Variants in OPCML observed in about 807,000 individuals in gnomAD.
OPCML encodes the protein opioid-binding protein/cell adhesion molecule.
In OPCML, 13 loss-of-function variants were observed where a neutral mutation model predicts 37.8. That is an observed-to-expected ratio of 0.34 (90% CI 0.22 to 0.55). The LOEUF (loss-of-function observed/expected upper bound fraction) is 0.55, where lower values mean the gene tolerates loss of function less well. Among genes scored for constraint, OPCML ranks in the 20% least tolerant of loss-of-function variants. The pLI is 0.91. For missense variants in OPCML, 341 were observed against 435.6 expected (o/e 0.78, Z 1.93); for synonymous variants, 176 against 168.8 (o/e 1.04, Z -0.33).
intron 1 of OPCML, among the ~76,000 whole-genome samples, chr11:133,525,408 C>T (rs1227032066): frequency 1.3e-5 from 2 of 152,178 alleles, no homozygotes; most frequent in African/African-American, 4.8e-5. Flanking sequence ...GCTGGAAAGG[C>T]AGAGAGCTGG....
intron 2 of OPCML, among the ~76,000 whole-genome samples, chr11:132,797,719 A>G (rs1938411024): frequency 6.6e-6 from 1 of 152,236 alleles, no homozygotes; most frequent in Non-Finnish European, 1.5e-5. Flanking sequence ...TCAATGGGTC[A>G]GTAGAAAAGA....
intron 1 of OPCML, among the ~76,000 whole-genome samples, chr11:133,413,989 T>C (rs7943687): frequency 0.011 from 1,623 of 152,254 alleles, 13 homozygotes; most frequent in South Asian, 0.037. Flanking sequence ...TTCCCTCTCC[T>C]CTTACTCCCT....
At chr11:133,433,251 CAAAA>C (rs71477795) in intron 1 of OPCML, among the ~76,000 whole-genome samples, 2 of 90,726 alleles carry the variant, frequency 2.2e-5, no homozygotes, top group African/African-American at 4.6e-5. Context: ...GACTCCGTCT[CAAAA>C]AAAAAAAAAA....
chr11:132,746,257 T>A (rs967566191), intron 2 of OPCML, among the ~76,000 whole-genome samples: 10 of 152,204 alleles, frequency 6.6e-5, no homozygotes, highest in Non-Finnish European at 1.3e-4. Flanking sequence ...TTCTTTGAAC[T>A]GTTTGTAAAA....
chr11:133,266,302 C>T (rs1941657297), intron 1 of OPCML, among the ~76,000 whole-genome samples: 1 of 152,118 alleles, frequency 6.6e-6, no homozygotes, highest in African/African-American at 2.4e-5. Flanking sequence ...TTCTCCTGCT[C>T]ATTTTCACTC....
intron 2 of OPCML, among the ~76,000 whole-genome samples, chr11:132,850,218 T>C (rs557160500): frequency 8.5e-5 from 13 of 152,132 alleles, no homozygotes; most frequent in Non-Finnish European, 1.8e-4. Flanking sequence ...GTGCATCTCA[T>C]GGAAGGAAAG....
chr11:133,250,667 T>C (rs1217491033), intron 1 of OPCML, among the ~76,000 whole-genome samples: 1 of 152,164 alleles, frequency 6.6e-6, no homozygotes, highest in African/African-American at 2.4e-5. Context: ...ATCATCTTAA[T>C]CTTAGCTGTA....
intron 2 of OPCML, among the ~76,000 whole-genome samples, chr11:132,735,517 C>A (rs1485971972): frequency 6.6e-6 from 1 of 152,126 alleles, no homozygotes; most frequent in African/African-American, 2.4e-5. Context: ...GACAGAGTCT[C>A]ACTCTGTTGC....
At chr11:132,421,617 T>C (rs1028796615) in intron 7 of OPCML, among the ~76,000 whole-genome samples, 1 of 152,246 alleles carries the variant, frequency 6.6e-6, no homozygotes, top group Admixed American at 6.5e-5. Context: ...TTCTTTCTAC[T>C]TAAAATATAC....
At chr11:133,200,802 A>G (rs1938746647) in intron 1 of OPCML, among the ~76,000 whole-genome samples, 1 of 152,228 alleles carries the variant, frequency 6.6e-6, no homozygotes, top group African/African-American at 2.4e-5. Context: ...AGGAATATAA[A>G]TTGTTCTACC....
At chr11:132,614,667 G>GA (rs983740073) in intron 3 of OPCML, among the ~76,000 whole-genome samples, 2 of 152,186 alleles carry the variant, frequency 1.3e-5, no homozygotes, top group South Asian at 2.1e-4. Context: ...AATGAGGAGA[G>GA]AAAAACAAAT....
chr11:133,363,022 C>G, intron 1 of OPCML, among the ~76,000 whole-genome samples: 1 of 152,256 alleles, frequency 6.6e-6, no homozygotes, highest in South Asian at 2.1e-4. Flanking sequence ...GTAAGATTCC[C>G]AGGACACTGC....
intron 2 of OPCML, among the ~76,000 whole-genome samples, chr11:132,681,311 C>T (rs1942932213): frequency 6.6e-6 from 1 of 152,188 alleles, no homozygotes; most frequent in South Asian, 2.1e-4. Flanking sequence ...GCCTGCCCTG[C>T]CCCCTGTCCT....
chr11:132,446,628 T>C (rs2096056040), intron 4 of OPCML, among the ~76,000 whole-genome samples: 2 of 152,128 alleles, frequency 1.3e-5, no homozygotes, highest in South Asian at 2.1e-4. Context: ...ACTTGAAAAG[T>C]TTTTATTTAT....
intron 1 of OPCML, among the ~76,000 whole-genome samples, chr11:133,402,958 C>T (rs1333444187): frequency 2.0e-5 from 3 of 152,302 alleles, no homozygotes; most frequent in East Asian, 3.9e-4. Flanking sequence ...CCAGGAAAAT[C>T]TTAAATTAGG....
intron 3 of OPCML, among the ~76,000 whole-genome samples, chr11:132,644,405 C>T (rs1348181312): frequency 6.6e-6 from 1 of 151,996 alleles, no homozygotes; most frequent in Non-Finnish European, 1.5e-5. Context: ...GCTCGCTTAC[C>T]TGCGGATTTT....
At chr11:133,373,817 T>C (rs374285809) in intron 1 of OPCML, among the ~76,000 whole-genome samples, 40 of 152,276 alleles carry the variant, frequency 2.6e-4, no homozygotes, top group African/African-American at 9.4e-4. Context: ...CATCTTTCCA[T>C]GTCATATATA....
chr11:133,518,552 T>C lies in OPCML; in HGVS notation c.61+13712A>G, dbSNP rs187968286. ...GTGAGTGTGTGCATATAAATTTGCA[T>C]GCACAAGTGTGTGTGTGCCTATGGC... On this transcript the variant is annotated intron_variant, in intron 1 of 7. Coordinates refer to ENST00000524381, the MANE Select transcript of OPCML (RefSeq NM_001012393.5). Among the ~76,000 whole-genome samples, 6 of 152,126 alleles carry C rather than the reference T, an allele frequency of 3.9e-5. No homozygotes were observed. In the East Asian group the frequency reaches 5.8e-4, roughly 15 times the overall value.
At chr11:132,528,068 C>T (rs1285224670) in intron 4 of OPCML, among the ~76,000 whole-genome samples, 1 of 152,046 alleles carries the variant, frequency 6.6e-6, no homozygotes, top group African/African-American at 2.4e-5. Context: ...CATCTAGCCT[C>T]CAGAGAAGTG....
Sources: allele counts gnomAD v4.1 joint callset (sites outside exome capture counted in the v4.1 genomes callset), GRCh38; gene constraint gnomAD v4.1.1; transcripts MANE v1.5; gene names NCBI Gene and HGNC (gene_info 2026-07-23, HGNC 2026-07-21).